The following PRMT8 variants were observed in gnomAD, a reference collection of about 807,000 sequenced individuals.
The protein encoded by PRMT8 is protein arginine N-methyltransferase 8.
Under a neutral mutation model 47.1 loss-of-function variants are expected in PRMT8, and 7 were observed. The observed-to-expected ratio is 0.15, with a 90% CI of 0.08 to 0.28. The LOEUF is 0.28. Among genes scored for constraint, PRMT8 ranks in the 10% least tolerant of loss-of-function variants. The pLI is 1.00. For synonymous variants in PRMT8, 188 were observed against 186.5 expected, an observed-to-expected ratio of 1.01 and a Z score of -0.07; for missense variants, 237 against 505.4, an observed-to-expected ratio of 0.47 and a Z score of 5.09.
rs1196824799 is a variant in PRMT8, at chr12:3,453,705, T to G, written c.48+72263T>G. 1.3e-5 allele frequency among the ~76,000 whole-genome samples: 2 copies of G among 152,180 alleles called. No individual in the cohort carries two copies. The highest frequency in any genetic ancestry group is 2.9e-5 in the Non-Finnish European group (2 of 68,028). ...GGGCGCAGCCATGCTGGCTGTCTCCTCGTCTGTTCTGCCCACACATCTCCT... is the reference window on the plus strand; with the variant it reads ...GGGCGCAGCCATGCTGGCTGTCTCCGCGTCTGTTCTGCCCACACATCTCCT... On this transcript the variant is annotated intron_variant, in intron 1 of 9. Transcript: ENST00000452611. The surrounding 1 kb of genome is among the most constrained non-coding windows in gnomAD (Gnocchi z 4.9).
At chr12:3,435,644 C>G (rs2137070979) in intron 1 of PRMT8, among the ~76,000 whole-genome samples, 1 of 151,798 alleles carries the variant, frequency 6.6e-6, no homozygotes, top group East Asian at 2.0e-4. Flanking sequence ...GCCTCAGCCT[C>G]CTGAGTAGCT....
chr12:3,479,993 G>A (rs1382020788), intron 1 of PRMT8, among the ~76,000 whole-genome samples: 1 of 152,094 alleles, frequency 6.6e-6, no homozygotes, highest in African/African-American at 2.4e-5. Context: ...GTTCAGGGTC[G>A]CCTGGCAAAA....
intron 1 of PRMT8, among the ~76,000 whole-genome samples, chr12:3,391,225 C>T (rs942569899): frequency 3.3e-5 from 5 of 152,232 alleles, no homozygotes; most frequent in Non-Finnish European, 5.9e-5. Flanking sequence ...GCCTCTGACA[C>T]AGAGCTTGCA....
At chr12:3,547,606 C>G (rs905883361) in intron 2 of PRMT8, among the ~76,000 whole-genome samples, 2 of 152,146 alleles carry the variant, frequency 1.3e-5, no homozygotes, top group African/African-American at 4.8e-5. Flanking sequence ...GGTAGAACAC[C>G]ATCTCTACCC....
upstream of PRMT8, among the ~76,000 whole-genome samples, chr12:3,490,938 C>G (rs1206025718): frequency 6.6e-6 from 1 of 152,022 alleles, no homozygotes; most frequent in African/African-American, 2.4e-5. Context: ...GGTGGGAGCA[C>G]GCGCACCGGG....
intron 1 of PRMT8, among the ~76,000 whole-genome samples, chr12:3,408,616 A>C (rs773937586): frequency 6.6e-6 from 1 of 151,968 alleles, no homozygotes; most frequent in African/African-American, 2.4e-5. Flanking sequence ...TGTTCCTTTG[A>C]TGGTGTCATT....
chr12:3,460,671 C>A, intron 1 of PRMT8, among the ~76,000 whole-genome samples: 1 of 152,188 alleles, frequency 6.6e-6, no homozygotes, highest in East Asian at 1.9e-4. Context: ...TTTTACAGAG[C>A]GAGGAAATTA....
chr12:3,589,974 A>G (rs914971537), intron 8 of PRMT8, among the ~76,000 whole-genome samples: 3 of 152,208 alleles, frequency 2.0e-5, no homozygotes, highest in African/African-American at 7.2e-5. Flanking sequence ...TCATACACTG[A>G]CAGTCTCCAC....
At chr12:3,540,371 G>T (rs1028172985) in intron 1 of PRMT8, among the ~76,000 whole-genome samples, 4 of 152,184 alleles carry the variant, frequency 2.6e-5, no homozygotes, top group Non-Finnish European at 5.9e-5. Flanking sequence ...AAGAGCTGAA[G>T]GTGGGTGAAA....
At chr12:3,541,857 A>G (rs997506047) in intron 2 of PRMT8, among the ~76,000 whole-genome samples, 1 of 152,122 alleles carries the variant, frequency 6.6e-6, no homozygotes, top group Non-Finnish European at 1.5e-5. Flanking sequence ...GGTTGGTGTT[A>G]TTGCTTGTCC....
intron 1 of PRMT8, among the ~76,000 whole-genome samples, chr12:3,459,606 G>T (rs1865017813): frequency 6.6e-6 from 1 of 152,156 alleles, no homozygotes; most frequent in Non-Finnish European, 1.5e-5. Context: ...ATTTGGCAAA[G>T]AAAGGTGTTT....
Position 3,538,371 on chromosome 12 carries a change from C to G in PRMT8, c.76-2235C>G. 1 of 300,968 alleles carries G rather than the reference C, an allele frequency of 3.3e-6. No individual in the cohort carries two copies. Among genetic ancestry groups the G allele is most frequent in the Non-Finnish European group, 6.6e-6 (1 of 151,036 alleles). 18.6% of individuals were successfully genotyped at this position (300,968 alleles called of 1,614,324 possible). A position where few individuals can be genotyped will look rare whatever the true frequency, so the allele number is the denominator to read the frequency against. ...CACACGTCTATTTCTTCCACAGGAC[C>G]TGCACGCTGCCTTGCTGTTGGAGAT... On this transcript the variant is annotated intron_variant, in intron 1 of 9. Transcript: ENST00000382622. The surrounding 1 kb of genome is among the most constrained non-coding windows in gnomAD (Gnocchi z 4.6).
chr12:3,387,212 T>C (rs1864149415), intron 1 of PRMT8, among the ~76,000 whole-genome samples: 1 of 152,230 alleles, frequency 6.6e-6, no homozygotes, highest in Non-Finnish European at 1.5e-5. Flanking sequence ...TTTCCTCTTT[T>C]AAGCTTCATA....
chr12:3,587,578 C>T (rs980108640), intron 8 of PRMT8, among the ~76,000 whole-genome samples: 1 of 152,098 alleles, frequency 6.6e-6, no homozygotes, highest in Non-Finnish European at 1.5e-5. Context: ...GATGCCCCAC[C>T]CCATCCCACC....
In PRMT8 at chr12:3,504,458, G is replaced by A. The variant is rs1366818916; in HGVS notation, c.75+12758G>A. On this transcript the variant is annotated intron_variant, in intron 1 of 9. Coordinates refer to ENST00000382622, the MANE Select transcript of PRMT8 (RefSeq NM_019854.5). ...AGCTGCAGGTCTGCTGGAATACCCT[G>A]CCGTGTGAGGTGTCAGTGTGCCCCT... Among the ~76,000 whole-genome samples, 136 of 117,102 alleles carry A rather than the reference G, an allele frequency of 1.2e-3. 8 individuals carry two copies. Among genetic ancestry groups the A allele is most frequent in the Non-Finnish European group, 1.9e-3 (90 of 47,846 alleles). The allele number at this position is 117,102 out of a possible 152,430, so 76.8% of individuals were successfully genotyped here. A position where few individuals can be genotyped will look rare whatever the true frequency, so the allele number is the denominator to read the frequency against.
intron 1 of PRMT8, among the ~76,000 whole-genome samples, chr12:3,446,226 G>T (rs1413787765): frequency 1.3e-5 from 2 of 152,124 alleles, no homozygotes; most frequent in African/African-American, 4.8e-5. Context: ...TAGGTGGCCT[G>T]TTGCTGAATT....
At chr12:3,483,858 A>G (rs751300812) in intron 1 of PRMT8, among the ~76,000 whole-genome samples, 9 of 152,220 alleles carry the variant, frequency 5.9e-5, no homozygotes, top group Non-Finnish European at 1.2e-4. Context: ...ATGCTGACTT[A>G]CAGCCCAGTA....
rs1555083555 is a variant in PRMT8, at chr12:3,478,307, T to TAC, written c.49-62299_49-62298insAC. On this transcript the variant is annotated intron_variant, in intron 1 of 9. Coordinates refer to the PRMT8 transcript ENST00000452611. The stretch of plus-strand genomic sequence containing the variant: ...ATCTATCTATCTATCTATCTATCTA[T>TAC]CTACCTACCTATCTATCTGTCTGTC... 1.9e-3 allele frequency among the ~76,000 whole-genome samples: 260 copies of TAC among 135,720 alleles called. 1 individual carries two copies. Among genetic ancestry groups the TAC allele is most frequent in the African/African-American group, 6.0e-3 (215 of 35,616 alleles). 89.0% of individuals were successfully genotyped at this position (135,720 alleles called of 152,430 possible).
At chr12:3,414,684 G>A (rs944203328) in intron 1 of PRMT8, among the ~76,000 whole-genome samples, 2 of 152,130 alleles carry the variant, frequency 1.3e-5, no homozygotes, top group South Asian at 2.1e-4. Context: ...TGTATGCAGA[G>A]GATGATATTG....
Sources: allele counts gnomAD v4.1 joint callset (sites outside exome capture counted in the v4.1 genomes callset), GRCh38; gene constraint gnomAD v4.1.1; non-coding constraint Gnocchi (gnomAD v3.1); transcripts MANE v1.5; gene names NCBI Gene and HGNC (gene_info 2026-07-23, HGNC 2026-07-21).